The following EDIL3 variants were observed in gnomAD, a reference collection of about 807,000 sequenced individuals.
The protein encoded by EDIL3 is EGF-like repeat and discoidin I-like domain-containing protein 3.
Under a neutral mutation model 67.4 loss-of-function variants are expected in EDIL3, and 37 were observed. The observed-to-expected ratio is 0.55, with a 90% confidence interval of 0.42 to 0.72. The LOEUF (loss-of-function observed/expected upper bound fraction) is 0.72, where lower values mean the gene tolerates loss of function less well. EDIL3 is among the 30% of genes least tolerant of loss of function. The probability of loss-of-function intolerance (pLI) is 0.00; values close to 1 mark genes in which losing one functional copy is unlikely to be tolerated. For missense variants in EDIL3, 527 were observed against 586.3 expected (o/e 0.90, Z 1.04); for synonymous variants, 195 against 196.3 (o/e 0.99, Z 0.05).
chr5:84,081,231 T>C (rs1432979610), intron 6 of EDIL3, among the ~76,000 whole-genome samples: 1 of 152,166 alleles, frequency 6.6e-6, no homozygotes, highest in Admixed American at 6.5e-5. Flanking sequence ...CTCTCCTCTC[T>C]TGGTACCAGC....
chr5:84,145,546 T>A (rs995152465), intron 4 of EDIL3, among the ~76,000 whole-genome samples: 2 of 152,112 alleles, frequency 1.3e-5, no homozygotes, highest in Non-Finnish European at 2.9e-5. Flanking sequence ...AGAAGCTCAT[T>A]CACATTCTCT....
intron 1 of EDIL3, among the ~76,000 whole-genome samples, chr5:84,376,225 T>C (rs915957042): frequency 3.9e-5 from 6 of 152,180 alleles, no homozygotes; most frequent in Admixed American, 3.9e-4. Context: ...GAACACATAG[T>C]ATGCAGTCAA....
chr5:84,251,160 T>C (rs1464026882), intron 2 of EDIL3, among the ~76,000 whole-genome samples: 1 of 152,180 alleles, frequency 6.6e-6, no homozygotes, highest in African/African-American at 2.4e-5. Flanking sequence ...TCACCTAGGC[T>C]GGAATGCAGT....
At chr5:84,086,806 G>A (rs1424052595) in intron 6 of EDIL3, among the ~76,000 whole-genome samples, 1 of 152,118 alleles carries the variant, frequency 6.6e-6, no homozygotes, top group African/African-American at 2.4e-5. Flanking sequence ...GGGTAAATGT[G>A]TGACTACGCA....
At chr5:84,373,505 C>G (rs781436939) in intron 1 of EDIL3, among the ~76,000 whole-genome samples, 12 of 152,096 alleles carry the variant, frequency 7.9e-5, no homozygotes, top group Non-Finnish European at 1.5e-4. Flanking sequence ...CTTCCAGGAT[C>G]TATAGATGCT....
chr5:83,955,083 G>A (rs1385359561), intron 10 of EDIL3, among the ~76,000 whole-genome samples: 4 of 151,692 alleles, frequency 2.6e-5, no homozygotes, highest in African/African-American at 9.7e-5. Context: ...AGTTGTATAA[G>A]AATGACTTAA....
intron 4 of EDIL3, among the ~76,000 whole-genome samples, chr5:84,173,231 G>A (rs998665130): frequency 6.6e-6 from 1 of 152,132 alleles, no homozygotes; most frequent in Non-Finnish European, 1.5e-5. Context: ...TGTTGCAGGG[G>A]GTGGATCTGA....
intron 2 of EDIL3, among the ~76,000 whole-genome samples, chr5:84,251,963 G>A (rs1049410425): frequency 1.8e-4 from 28 of 152,148 alleles, no homozygotes; most frequent in African/African-American, 6.3e-4. Flanking sequence ...AAATAATACA[G>A]TATAACTATC....
chr5:84,076,447 T>A (rs1356639941), intron 6 of EDIL3, among the ~76,000 whole-genome samples: 3 of 152,182 alleles, frequency 2.0e-5, no homozygotes, highest in Non-Finnish European at 4.4e-5. Context: ...TGTGTTAAAA[T>A]CCATTGGTCT....
At chr5:84,316,430 T>C (rs1421852363) in intron 1 of EDIL3, among the ~76,000 whole-genome samples, 2 of 151,698 alleles carry the variant, frequency 1.3e-5, no homozygotes, top group Non-Finnish European at 2.9e-5. Context: ...ACAAAGCAAA[T>C]GAAAAGCAAA....
At chr5:84,141,237 TATA>T (rs1033776406) in intron 4 of EDIL3, among the ~76,000 whole-genome samples, 1 of 151,308 alleles carries the variant, frequency 6.6e-6, no homozygotes, top group Non-Finnish European at 1.5e-5. Flanking sequence ...ATAGTTTATT[TATA>T]ATAATAATAT....
intron 1 of EDIL3, among the ~76,000 whole-genome samples, chr5:84,382,526 T>C (rs1260603505): frequency 6.6e-6 from 1 of 151,930 alleles, no homozygotes; most frequent in Non-Finnish European, 1.5e-5. Flanking sequence ...GGTGACACAA[T>C]GCGAGTGAGT....
chr5:83,955,693 C>A (rs1206832165), intron 10 of EDIL3, among the ~76,000 whole-genome samples: 4 of 151,686 alleles, frequency 2.6e-5, no homozygotes, highest in Non-Finnish European at 5.9e-5. Flanking sequence ...CTGCTCCTTG[C>A]CCCCAACCCA....
intron 1 of EDIL3, among the ~76,000 whole-genome samples, chr5:84,336,777 A>G (rs368851036): frequency 6.6e-6 from 1 of 152,294 alleles, no homozygotes; most frequent in East Asian, 1.9e-4. Context: ...AAGTTTATTT[A>G]TCTTAGATAA....
intron 6 of EDIL3, among the ~76,000 whole-genome samples, chr5:84,069,580 C>T (rs1049950142): frequency 5.3e-5 from 8 of 151,328 alleles, no homozygotes; most frequent in African/African-American, 1.5e-4. Context: ...TGAAAAAGAG[C>T]AAAAAAGCAT....
intron 1 of EDIL3, among the ~76,000 whole-genome samples, chr5:84,311,324 C>CTT (rs58965080): frequency 9.5e-6 from 1 of 105,544 alleles, no homozygotes; most frequent in African/African-American, 3.3e-5. Context: ...TTTTTTTTTT[C>CTT]TTTTTTTTTT....
chr5:83,997,356 C>A (rs748737921), intron 9 of EDIL3, among the ~76,000 whole-genome samples: 2 of 152,036 alleles, frequency 1.3e-5, no homozygotes, highest in Non-Finnish European at 2.9e-5. Context: ...GAAAGAAATG[C>A]ACAAATTGAA....
At chr5:84,346,977 T>C (rs1469935755) in intron 1 of EDIL3, among the ~76,000 whole-genome samples, 2 of 152,226 alleles carry the variant, frequency 1.3e-5, no homozygotes, top group African/African-American at 4.8e-5. Flanking sequence ...TCTTTTTGTC[T>C]GAATTAGTTT....
chr5:84,009,888 C>T (rs1745487427), intron 9 of EDIL3, among the ~76,000 whole-genome samples: 2 of 152,226 alleles, frequency 1.3e-5, no homozygotes, highest in African/African-American at 4.8e-5. Flanking sequence ...ATCCCTGTCC[C>T]TGTCCCAGAT....
Sources: gnomAD v4.1 joint callset for allele counts (sites outside exome capture counted in the v4.1 genomes callset) on GRCh38, gnomAD v4.1.1 for gene constraint, MANE v1.5 for transcripts, NCBI Gene and HGNC (gene_info 2026-07-23, HGNC 2026-07-21) for gene names.